The following DMD variants were observed in gnomAD, a reference collection of about 807,000 sequenced individuals.
The protein encoded by DMD is dystrophin, also known as mutant dystrophin.
Under a neutral mutation model 330.1 loss-of-function variants are expected in DMD, and 63 were observed. The observed-to-expected ratio is 0.19, with a 90% CI of 0.16 to 0.24. DMD has a LOEUF of 0.24. DMD is among the 10% of genes least tolerant of loss of function. The pLI is 1.00. For missense variants in DMD, 3,344 were observed against 2,684.1 expected (o/e 1.25, Z -5.43); for synonymous variants, 1,223 against 959.8 (o/e 1.27, Z -5.07).
chrX:32,866,587 C>T (rs1487412671), intron 2 of DMD, among the ~76,000 whole-genome samples: 1 of 111,310 alleles, frequency 9.0e-6, no homozygotes, highest in Non-Finnish European at 1.9e-5. Flanking sequence ...TAGAAAAGAA[C>T]ACAGTCATTA....
chrX:32,494,703 G>C (rs1229107626), intron 19 of DMD, among the ~76,000 whole-genome samples: 2 of 111,350 alleles, frequency 1.8e-5, no homozygotes, highest in Non-Finnish European at 3.8e-5. Flanking sequence ...GAAAACAAGG[G>C]ACCAGCTCTC....
chrX:31,830,665 T>G (rs2093005038), intron 49 of DMD, among the ~76,000 whole-genome samples: 1 of 112,023 alleles, frequency 8.9e-6, no homozygotes, highest in Non-Finnish European at 1.9e-5. Context: ...ATTTTGTGAA[T>G]GGGTATTGAA....
intron 1 of DMD, among the ~76,000 whole-genome samples, chrX:33,318,214 A>G (rs1477625958): frequency 9.1e-6 from 1 of 110,294 alleles, no homozygotes; most frequent in African/African-American, 3.3e-5. Context: ...TATCTTAGGT[A>G]TATATGGAGT....
rs548617741 is a variant in DMD, at chrX:32,069,384, T to C, written c.6439-100870A>G. Among the ~76,000 whole-genome samples the C allele has an allele frequency of 3.1e-4, 35 of 111,806 alleles. No homozygotes were observed. In the Admixed American group the frequency reaches 3.3e-3, roughly 11 times the overall value. ...TTTTAAAAGGTAATAATAATTATTT[T>C]ATAGGTAAAAATATTTTTCTCATAT... On this transcript the variant is annotated intron_variant, in intron 44 of 78. Coordinates refer to ENST00000357033, the MANE Select transcript of DMD (RefSeq NM_004006.3).
chrX:32,203,961 CTG>C (rs1182445811), intron 44 of DMD, among the ~76,000 whole-genome samples: 1 of 111,631 alleles, frequency 9.0e-6, no homozygotes, highest in Non-Finnish European at 1.9e-5. Flanking sequence ...CTCAACTTTA[CTG>C]ATGACAATAT....
intron 11 of DMD, among the ~76,000 whole-genome samples, chrX:32,643,788 T>A (rs754979622): frequency 1.1e-4 from 12 of 111,647 alleles, no homozygotes; most frequent in Non-Finnish European, 3.8e-5. Context: ...AGCTAATAGG[T>A]GATTTTATGT....
At position 32,234,955 on chromosome X, in the gene DMD, G is replaced by T. The variant is rs776820858; in HGVS notation, c.6291-17892C>A. On this transcript the variant is annotated intron_variant, in intron 43 of 78. Transcript: ENST00000357033. ...AAAGGTAGAGTTGGATTCAAATCCAGCTTTCACTTATCCCATAAAACAGTG... is the reference window on the plus strand; with the variant it reads ...AAAGGTAGAGTTGGATTCAAATCCATCTTTCACTTATCCCATAAAACAGTG... 4.4e-3 allele frequency among the ~76,000 whole-genome samples: 496 copies of T among 111,781 alleles called. 2 individuals carry two copies. Among genetic ancestry groups the T allele is most frequent in the African/African-American group, 0.015 (463 of 30,782 alleles).
At chrX:31,507,576 G>T in intron 55 of DMD, 123 bp from the exon 56 acceptor site, 1 of 685,007 alleles carries the variant, frequency 1.5e-6, no homozygotes, top group Non-Finnish European at 2.2e-6. Context: ...TTTCAATCAG[G>T]CTAAACTAAC....
Position 32,337,873 on chromosome X carries a change from A to G in DMD, c.5922+4227T>C, listed in dbSNP as rs191315092. ...TTTTAGGATTATAAGCTTTTTTAAT[A>G]AATGTTCTTATTTACAGAGAAAACA... On this transcript the variant is annotated intron_variant, in intron 41 of 78. Transcript: ENST00000357033. Among the ~76,000 whole-genome samples the G allele has an allele frequency of 2.4e-4, 27 of 111,383 alleles. No individual in the cohort carries two copies. In the East Asian group the frequency reaches 6.2e-3, roughly 26 times the overall value.
In DMD at chrX:32,755,718, G is replaced by A. The variant is rs188445691; in HGVS notation, c.649+53775C>T. Among the ~76,000 whole-genome samples, 159 of 111,817 alleles carry A rather than the reference G, an allele frequency of 1.4e-3. 1 individual carries two copies. Among genetic ancestry groups the A allele is most frequent in the African/African-American group, 4.9e-3 (150 of 30,857 alleles). On this transcript the variant is annotated intron_variant, in intron 7 of 78. Coordinates refer to ENST00000357033, the MANE Select transcript of DMD (RefSeq NM_004006.3). ...AATTTAATAACATGTTTTTTCCTTA[G>A]CACTATATTTTCTAAATAGTATTAG... is the stretch of plus-strand genomic sequence containing the variant.
chrX:31,593,238 T>A, intron 55 of DMD, among the ~76,000 whole-genome samples: 1 of 111,155 alleles, frequency 9.0e-6, no homozygotes, highest in Non-Finnish European at 1.9e-5. Context: ...GTTTAAGTAA[T>A]TTGCCAGGGT....
intron 1 of DMD, among the ~76,000 whole-genome samples, chrX:33,058,859 C>A (rs1410614639): frequency 9.0e-6 from 1 of 111,381 alleles, no homozygotes; most frequent in Non-Finnish European, 1.9e-5. Flanking sequence ...ATGTTTTTTA[C>A]CATCTTTGTC....
At chrX:32,943,386 A>T (rs1021422311) in intron 2 of DMD, among the ~76,000 whole-genome samples, 13 of 111,570 alleles carry the variant, frequency 1.2e-4, no homozygotes, top group Non-Finnish European at 2.4e-4. Flanking sequence ...ATATTTTAAT[A>T]TATATGCATA....
intron 60 of DMD, among the ~76,000 whole-genome samples, chrX:31,352,161 G>A (rs1037428780): frequency 5.4e-5 from 6 of 110,899 alleles, no homozygotes; most frequent in African/African-American, 1.9e-4. Context: ...GTTGTTCAAC[G>A]TATTTTATGG....
At chrX:32,412,513 T>C (rs913140020) in intron 29 of DMD, among the ~76,000 whole-genome samples, 1 of 112,461 alleles carries the variant, frequency 8.9e-6, no homozygotes, top group Admixed American at 9.5e-5. Flanking sequence ...ATTGGGTTTA[T>C]GTTACTGCTG....
chrX:32,654,887 G>T (rs970538147), intron 9 of DMD, among the ~76,000 whole-genome samples: 1 of 111,775 alleles, frequency 8.9e-6, no homozygotes, highest in Non-Finnish European at 1.9e-5. Context: ...GAGGGTGTAT[G>T]TGTCCACGAA....
chrX:32,543,242 C>T (rs1233758886), intron 17 of DMD, among the ~76,000 whole-genome samples: 6 of 104,708 alleles, frequency 5.7e-5, no homozygotes, highest in East Asian at 6.2e-4. Flanking sequence ...CAAAAATTGC[C>T]GAAAACTTAT....
At chrX:31,565,941 C>T (rs1921956) in intron 55 of DMD, among the ~76,000 whole-genome samples, 15,156 of 111,533 alleles carry the variant, frequency 0.14, 875 homozygotes, top group Middle Eastern at 0.26. Context: ...ATGTGTCTTG[C>T]CCATTTCCTA....
intron 2 of DMD, among the ~76,000 whole-genome samples, chrX:32,902,195 ACG>A (rs1233830685): frequency 9.3e-6 from 1 of 107,570 alleles, no homozygotes; most frequent in Non-Finnish European, 1.9e-5. Flanking sequence ...ACACACACAC[ACG>A]CAGAAACATG....
Sources: gnomAD v4.1 joint callset for allele counts (sites outside exome capture counted in the v4.1 genomes callset) on GRCh38, gnomAD v4.1.1 for gene constraint, MANE v1.5 for transcripts, NCBI Gene and HGNC (gene_info 2026-07-23, HGNC 2026-07-21) for gene names.